Variants in ADGRG2 observed in about 807,000 individuals in gnomAD.
ADGRG2 encodes adhesion G protein-coupled receptor G2.
A neutral mutation model predicts 74.1 loss-of-function variants in ADGRG2; 26 were observed. That is an observed-to-expected ratio of 0.35 (90% CI 0.26 to 0.49). The LOEUF (loss-of-function observed/expected upper bound fraction) is 0.49, where lower values mean the gene tolerates loss of function less well. Ranked by LOEUF, ADGRG2 falls within the 20% of genes least tolerant of loss-of-function variation. ADGRG2 has a pLI of 0.99. For missense variants in ADGRG2, 619 were observed against 763.1 expected, an observed-to-expected ratio of 0.81 and a Z score of 2.22; for synonymous variants, 296 against 295.2, an observed-to-expected ratio of 1.00 and a Z score of -0.03.
intron 26 of ADGRG2, among the ~76,000 whole-genome samples, chrX:18,998,069 G>A (rs1178359316): frequency 8.9e-6 from 1 of 112,261 alleles, no homozygotes; most frequent in Non-Finnish European, 1.9e-5. Flanking sequence ...CAAGATGCAT[G>A]GGCTTCATTA....
At chrX:19,011,026 T>C (rs2060346351) in intron 16 of ADGRG2, among the ~76,000 whole-genome samples, 1 of 112,170 alleles carries the variant, frequency 8.9e-6, no homozygotes, top group African/African-American at 3.2e-5. Flanking sequence ...GGTACCTCCA[T>C]ACAGTGAAAT....
At chrX:19,117,028 A>G (rs746828327) in intron 1 of ADGRG2, among the ~76,000 whole-genome samples, 1 of 112,113 alleles carries the variant, frequency 8.9e-6, no homozygotes, top group South Asian at 3.7e-4. Flanking sequence ...GTGATGGCTC[A>G]CGCCCGTAAT....
chrX:19,049,438 G>GTTTTTTT (rs752686975), intron 3 of ADGRG2, among the ~76,000 whole-genome samples: 29 of 82,079 alleles, frequency 3.5e-4, no homozygotes, highest in African/African-American at 5.7e-4. Context: ...CGTTTTTTGT[G>GTTTTTTT]TTTTTTTTTT....
intron 1 of ADGRG2, among the ~76,000 whole-genome samples, chrX:19,095,794 A>C (rs2062086525): frequency 9.0e-6 from 1 of 111,182 alleles, no homozygotes; most frequent in African/African-American, 3.3e-5. Flanking sequence ...TGGGAGGATC[A>C]CTCGAGTCCA....
chrX:19,007,483 A>G, intron 19 of ADGRG2, 126 bp from the exon 20 acceptor site: 1 of 621,589 alleles, frequency 1.6e-6, no homozygotes, highest in East Asian at 3.6e-5. Context: ...AGGGACAAGG[A>G]GGAAAGTGAC....
At chrX:19,003,907 G>A (rs1360452419) in intron 23 of ADGRG2, among the ~76,000 whole-genome samples, 2 of 112,045 alleles carry the variant, frequency 1.8e-5, no homozygotes, top group African/African-American at 6.5e-5. Context: ...TAGCATAGGA[G>A]AAGCCAGCTA....
At chrX:19,019,733 A>C in intron 14 of ADGRG2, 68 bp from the exon 15 acceptor site, 5 of 567,334 alleles carry the variant, frequency 8.8e-6, no homozygotes, top group Non-Finnish European at 1.6e-5. Context: ...GTGGCAGCTC[A>C]GAACCATTAA....
At chrX:19,055,240 TTGTGTGTGTG>T (rs35438679) in intron 3 of ADGRG2, among the ~76,000 whole-genome samples, 21 of 103,611 alleles carry the variant, frequency 2.0e-4, no homozygotes, top group African/African-American at 6.0e-4. Context: ...GCAAATCCCT[TTGTGTGTGTG>T]TGTGTGTGTG....
At chrX:19,107,749 T>C (rs2062332886) in intron 1 of ADGRG2, among the ~76,000 whole-genome samples, 3 of 108,358 alleles carry the variant, frequency 2.8e-5, no homozygotes, top group Admixed American at 1.0e-4. Flanking sequence ...AAAATGATGA[T>C]ATGATATAGG....
chrX:18,996,162 G>GAA lies in ADGRG2; in HGVS notation c.2615-12_2615-11dup. 1.1e-6 allele frequency: 1 copy of GAA among 893,739 alleles called. No individual in the cohort carries two copies. 73.7% of individuals were successfully genotyped at this position (893,739 alleles called of 1,213,427 possible). A position where few individuals can be genotyped will look rare whatever the true frequency, so the allele number is the denominator to read the frequency against. ...ATGAATATGAAAAATCCTAAGGAGG[G>GAA]AAAAAAAACCCACAATGAATTCCAA... On this transcript the variant is annotated splice_polypyrimidine_tract_variant and intron_variant, in intron 26 of 28. Coordinates refer to ENST00000379869, the MANE Select transcript of ADGRG2 (RefSeq NM_001079858.3).
chrX:19,003,376 A>T (rs754608474), intron 23 of ADGRG2, among the ~76,000 whole-genome samples: 34 of 110,810 alleles, frequency 3.1e-4, no homozygotes, highest in Non-Finnish European at 5.5e-4. Flanking sequence ...GGCTGGCCTC[A>T]AACTCCTGGG....
chrX:19,008,159 G>C, intron 18 of ADGRG2, 36 bp from the exon 19 acceptor site: 2 of 1,076,732 alleles, frequency 1.9e-6, no homozygotes, highest in Non-Finnish European at 2.5e-6. Context: ...TAAATGTCTG[G>C]AGCTAGTATA....
chrX:19,067,225 G>A (rs745609866), intron 3 of ADGRG2, among the ~76,000 whole-genome samples: 5 of 112,002 alleles, frequency 4.5e-5, no homozygotes, highest in South Asian at 7.4e-4. Flanking sequence ...CCCTGTGCTC[G>A]GGCCACTCCC....
At chrX:19,066,132 G>A (rs1315596448) in intron 3 of ADGRG2, among the ~76,000 whole-genome samples, 1 of 112,571 alleles carries the variant, frequency 8.9e-6, no homozygotes, top group Non-Finnish European at 1.9e-5. Flanking sequence ...ACAGGCATGA[G>A]CCACTGCACC....
upstream of ADGRG2, among the ~76,000 whole-genome samples, chrX:19,122,914 GC>G (rs2062633982): frequency 2.7e-5 from 3 of 112,167 alleles, no homozygotes; most frequent in African/African-American, 9.7e-5. Context: ...TTTAGGGCTC[GC>G]CCCGGTACCC....
intron 1 of ADGRG2, among the ~76,000 whole-genome samples, chrX:19,096,628 T>C (rs1014266222): frequency 1.8e-5 from 2 of 111,482 alleles, no homozygotes; most frequent in Non-Finnish European, 3.8e-5. Context: ...ATTGACAACA[T>C]TGTCAAAGCC....
At position 19,006,151 on chromosome X, in the gene ADGRG2, C is replaced by A. The variant is rs1236755265; in HGVS notation, c.1736-46G>T. On this transcript the variant is annotated intron_variant, in intron 21 of 28. Coordinates refer to ENST00000379869, the MANE Select transcript of ADGRG2 (RefSeq NM_001079858.3). ...ATCTGTCCCATCAGCAAGGCCACAG[C>A]ACCAGTGACTTCACACCCTCCCCAA... 5.4e-6 allele frequency: 6 copies of A among 1,102,240 alleles called. No homozygotes were observed. In the African/African-American group the frequency reaches 1.1e-4, roughly 20 times the overall value. 90.8% of individuals were successfully genotyped at this position (1,102,240 alleles called of 1,213,427 possible).
At chrX:19,041,328 A>C (rs2061058931) in intron 3 of ADGRG2, among the ~76,000 whole-genome samples, 1 of 112,068 alleles carries the variant, frequency 8.9e-6, no homozygotes. Flanking sequence ...AATTCCATAA[A>C]TGTTGTTTGC....
rs1227895323 is a variant in ADGRG2 at position 19,033,596 on chromosome X, TTGATAA to T, written c.304+11_304+16del. ...AGTTATAAAAAGGAAAGTCTTGATA[TTGATAA>T]TAAGTCATACCTGATGCATTGAAGG... is the stretch of plus-strand genomic sequence containing the variant. On this transcript the variant is annotated intron_variant, in intron 8 of 28. Coordinates refer to ENST00000379869, the MANE Select transcript of ADGRG2 (RefSeq NM_001079858.3). 1 of 733,109 alleles carries T rather than the reference TTGATAA, an allele frequency of 1.4e-6. No homozygotes were observed. The highest frequency in any genetic ancestry group is 2.1e-6 in the Non-Finnish European group (1 of 483,536). The allele number at this position is 733,109 out of a possible 1,213,427, so 60.4% of individuals were successfully genotyped here.
Sources: allele counts gnomAD v4.1 joint callset (sites outside exome capture counted in the v4.1 genomes callset), GRCh38; gene constraint gnomAD v4.1.1; transcripts MANE v1.5; gene names NCBI Gene and HGNC (gene_info 2026-07-23, HGNC 2026-07-21).